CLSTN2: variants seen among roughly 807,000 people sequenced by gnomAD.
CLSTN2 encodes the protein calsyntenin 2.
CLSTN2 carries 48 observed loss-of-function variants against 101.2 expected under a neutral mutation model. The ratio of observed to expected loss-of-function variants is 0.47; its 90% CI spans 0.38 to 0.60. The LOEUF is 0.60. Among genes scored for constraint, CLSTN2 ranks in the 20% least tolerant of loss-of-function variants. CLSTN2 has a pLI of 0.00. For synonymous variants in CLSTN2, 481 were observed against 463.6 expected, an observed-to-expected ratio of 1.04 and a Z score of -0.48; for missense variants, 1,160 against 1,238.2, an observed-to-expected ratio of 0.94 and a Z score of 0.95.
chr3:140,164,438 CAA>C (rs2010100162), intron 1 of CLSTN2, among the ~76,000 whole-genome samples: 1 of 152,152 alleles, frequency 6.6e-6, no homozygotes, highest in African/African-American at 2.4e-5. Context: ...AGCTCTAACT[CAA>C]GAGTCTCATT....
intron 1 of CLSTN2, among the ~76,000 whole-genome samples, chr3:139,952,956 G>A (rs1033412036): frequency 7.9e-5 from 12 of 152,094 alleles, no homozygotes; most frequent in Non-Finnish European, 1.3e-4. Flanking sequence ...GTCTGAAACG[G>A]CCCCATATTC....
intron 5 of CLSTN2, among the ~76,000 whole-genome samples, chr3:140,422,761 A>G (rs778421004): frequency 6.6e-6 from 1 of 152,130 alleles, no homozygotes; most frequent in Non-Finnish European, 1.5e-5. Context: ...TGGCTATAAC[A>G]CTAGACCCGA....
intron 2 of CLSTN2, among the ~76,000 whole-genome samples, chr3:140,280,063 C>A (rs1341897214): frequency 2.0e-5 from 3 of 152,178 alleles, no homozygotes; most frequent in Non-Finnish European, 2.9e-5. Flanking sequence ...TGGTGCGGGG[C>A]CTGGGCCAGA....
At chr3:140,310,146 G>A (rs959807451) in intron 2 of CLSTN2, among the ~76,000 whole-genome samples, 3 of 152,006 alleles carry the variant, frequency 2.0e-5, no homozygotes, top group Admixed American at 6.6e-5. Flanking sequence ...CACATCCCCC[G>A]GGTTACTACA....
At position 140,469,463 on chromosome 3, in the gene CLSTN2, C is replaced by T. The variant is rs997066890; in HGVS notation, c.1344+2732C>T. ...AGCTCCCTGTGTAGACAGAACCTTG[C>T]CAGAAGTTTCTTGGGTGTAAATCAC... On this transcript the variant is annotated intron_variant, in intron 8 of 16. Transcript: ENST00000458420. Among the ~76,000 whole-genome samples the T allele has an allele frequency of 3.9e-5, 6 of 152,188 alleles. No individual in the cohort carries two copies. The East Asian group carries it at 9.7e-4, about 24-fold the overall frequency.
At chr3:140,341,012 T>G (rs144459031) in intron 2 of CLSTN2, among the ~76,000 whole-genome samples, 73 of 152,330 alleles carry the variant, frequency 4.8e-4, no homozygotes, top group African/African-American at 1.7e-3. Context: ...TCAAGGTACT[T>G]GACTTACCAC....
intron 8 of CLSTN2, among the ~76,000 whole-genome samples, chr3:140,467,187 T>C (rs1933729365): frequency 6.6e-6 from 1 of 152,196 alleles, no homozygotes. Flanking sequence ...CCTTAGGCAG[T>C]GCATGCTCTT....
intron 1 of CLSTN2, among the ~76,000 whole-genome samples, chr3:139,938,562 C>G (rs1176792627): frequency 6.6e-6 from 1 of 152,226 alleles, no homozygotes; most frequent in East Asian, 1.9e-4. Context: ...ATAAATACTT[C>G]TTGGATTCCA....
intron 1 of CLSTN2, among the ~76,000 whole-genome samples, chr3:140,161,064 C>G (rs1320255): frequency 0.98 from 149,025 of 152,248 alleles, 72,958 homozygotes; most frequent in East Asian, 1. Context: ...CTCAGGATTA[C>G]TACTAGTAAG....
chr3:140,450,829 CTGCT>C (rs939111926), intron 6 of CLSTN2, among the ~76,000 whole-genome samples: 2 of 152,162 alleles, frequency 1.3e-5, no homozygotes, highest in African/African-American at 4.8e-5. Flanking sequence ...GAAATAAACT[CTGCT>C]TGATATTGTC....
At position 140,442,854 on chromosome 3, in the gene CLSTN2, T is replaced by C. The variant is rs1323888781; in HGVS notation, c.788-5665T>C. ...TTTTACCTCTCCAGCCCATCTCTGC[T>C]TCCTGACTCACCCCCAATTCAGATG... is the stretch of plus-strand genomic sequence containing the variant. On this transcript the variant is annotated intron_variant, in intron 5 of 16. Transcript: ENST00000458420. Among the ~76,000 whole-genome samples the C allele has an allele frequency of 1.4e-4, 21 of 152,216 alleles. 2 individuals are homozygous for C. Among genetic ancestry groups the C allele is most frequent in the Non-Finnish European group, 2.6e-4 (18 of 68,046 alleles).
chr3:140,136,543 A>G (rs2009618375), intron 1 of CLSTN2, among the ~76,000 whole-genome samples: 1 of 152,222 alleles, frequency 6.6e-6, no homozygotes, highest in East Asian at 1.9e-4. Flanking sequence ...ATTTTAATCC[A>G]GGTGGATACT....
At chr3:140,240,196 A>ATG in intron 2 of CLSTN2, among the ~76,000 whole-genome samples, 1 of 7,644 alleles carries the variant, frequency 1.3e-4, no homozygotes, top group Middle Eastern at 0.1. Context: ...ATATATATAT[A>ATG]TATACACACA....
chr3:140,100,713 C>T (rs990433690), intron 1 of CLSTN2, among the ~76,000 whole-genome samples: 10 of 152,236 alleles, frequency 6.6e-5, no homozygotes, highest in African/African-American at 1.7e-4. Context: ...AATAATTTCA[C>T]GCATGTGTAC....
intron 1 of CLSTN2, among the ~76,000 whole-genome samples, chr3:140,081,734 G>A (rs112149021): frequency 6.6e-6 from 1 of 152,102 alleles, no homozygotes; most frequent in African/African-American, 2.4e-5. Context: ...CCTCTGTCCA[G>A]AGCAAGGGTT....
At position 139,952,273 on chromosome 3, in the gene CLSTN2, G is replaced by A. The variant is rs1030238144; in HGVS notation, c.109+16790G>A. ...CTAAAATCAACACCATTCCTTATGC[G>A]TCACCATATTTTCGATTATAATGGA... On this transcript the variant is annotated intron_variant, in intron 1 of 16. Coordinates refer to ENST00000458420, the MANE Select transcript of CLSTN2 (RefSeq NM_022131.3). Among the ~76,000 whole-genome samples, 16 of 152,194 alleles carry A rather than the reference G, an allele frequency of 1.1e-4. No individual in the cohort carries two copies. In the South Asian group the frequency reaches 1.7e-3, roughly 16 times the overall value.
intron 1 of CLSTN2, among the ~76,000 whole-genome samples, chr3:140,046,250 C>T (rs976016969): frequency 2.6e-5 from 4 of 152,106 alleles, no homozygotes; most frequent in Admixed American, 2.0e-4. Flanking sequence ...TTGACTTGAT[C>T]CCTTTACCAT....
intron 5 of CLSTN2, among the ~76,000 whole-genome samples, chr3:140,446,653 G>A (rs187573683): frequency 1.3e-5 from 2 of 152,236 alleles, no homozygotes; most frequent in African/African-American, 4.8e-5. Context: ...TGGGATGCCT[G>A]AGGCTTGGAG....
intron 8 of CLSTN2, among the ~76,000 whole-genome samples, chr3:140,516,717 T>A (rs1271381014): frequency 4.6e-5 from 7 of 152,218 alleles, no homozygotes; most frequent in Non-Finnish European, 8.8e-5. Context: ...AAATCTGCTG[T>A]TAATTTGACA....
Sources: allele counts gnomAD v4.1 joint callset (sites outside exome capture counted in the v4.1 genomes callset), GRCh38; gene constraint gnomAD v4.1.1; transcripts MANE v1.5; gene names NCBI Gene and HGNC (gene_info 2026-07-23, HGNC 2026-07-21).